Variants in VEGFC observed in about 807,000 individuals in gnomAD.
VEGFC encodes FLT4 ligand DHM.
Under a neutral mutation model 46.1 loss-of-function variants are expected in VEGFC, and 12 were observed. The ratio of observed to expected loss-of-function variants is 0.26; its 90% CI spans 0.17 to 0.42. The LOEUF is 0.42. Ranked by LOEUF, VEGFC falls within the 10% of genes least tolerant of loss-of-function variation. The probability of loss-of-function intolerance (pLI) is 1.00; values close to 1 mark genes in which losing one functional copy is unlikely to be tolerated. For missense variants in VEGFC, 488 were observed against 529.4 expected (o/e 0.92, Z 0.77); for synonymous variants, 232 against 195.5 (o/e 1.19, Z -1.56).
intron 4 of VEGFC, among the ~76,000 whole-genome samples, chr4:176,688,676 C>G (rs1734092215): frequency 6.8e-6 from 1 of 146,500 alleles, no homozygotes; most frequent in South Asian, 2.4e-4. Context: ...AAATTATGAA[C>G]CTACAGGCTT....
At chr4:176,761,129 C>T (rs891382198) in intron 1 of VEGFC, among the ~76,000 whole-genome samples, 6 of 152,162 alleles carry the variant, frequency 3.9e-5, no homozygotes, top group African/African-American at 9.7e-5. Context: ...AGATCCTATA[C>T]AAAATTGTCC....
At chr4:176,692,108 G>A (rs1281885450) in intron 4 of VEGFC, among the ~76,000 whole-genome samples, 8 of 151,762 alleles carry the variant, frequency 5.3e-5, no homozygotes, top group Non-Finnish European at 1.5e-5. Context: ...AAAAAACGGC[G>A]CACCGGCCCG....
chr4:176,731,311 C>T (rs1412082851), intron 1 of VEGFC, among the ~76,000 whole-genome samples: 4 of 151,904 alleles, frequency 2.6e-5, no homozygotes, highest in African/African-American at 7.3e-5. Context: ...CAAAAGGTTA[C>T]TACTGAAGGG....
intron 4 of VEGFC, among the ~76,000 whole-genome samples, chr4:176,693,286 G>A (rs1259594994): frequency 5.1e-5 from 7 of 137,860 alleles, no homozygotes; most frequent in African/African-American, 1.6e-4. Flanking sequence ...GCTTAAAGGA[G>A]CTGATGGAGC....
chr4:176,737,286 T>TAGAA (rs145402908), intron 1 of VEGFC, among the ~76,000 whole-genome samples: 1 of 146,074 alleles, frequency 6.8e-6, no homozygotes, highest in South Asian at 2.1e-4. Context: ...GTTTATAATA[T>TAGAA]ATATAGAATA....
chr4:176,697,435 ATACCATC>A, intron 4 of VEGFC, among the ~76,000 whole-genome samples: 1 of 152,362 alleles, frequency 6.6e-6, no homozygotes, highest in Non-Finnish European at 1.5e-5. Context: ...CTACAATGAG[ATACCATC>A]TCACACCACG....
chr4:176,776,825 G>A (rs974861883), intron 1 of VEGFC, among the ~76,000 whole-genome samples: 1 of 152,090 alleles, frequency 6.6e-6, no homozygotes, highest in African/African-American at 2.4e-5. Flanking sequence ...TTGGTTTTTT[G>A]TATCTATCAA....
At chr4:176,787,685 T>C (rs1026789638) in intron 1 of VEGFC, among the ~76,000 whole-genome samples, 10 of 151,936 alleles carry the variant, frequency 6.6e-5, no homozygotes, top group Non-Finnish European at 1.0e-4. Context: ...TGCTTTCTCA[T>C]GGTTAAACAT....
At chr4:176,745,599 C>G (rs892318312) in intron 1 of VEGFC, among the ~76,000 whole-genome samples, 1 of 152,090 alleles carries the variant, frequency 6.6e-6, no homozygotes, top group African/African-American at 2.4e-5. Flanking sequence ...ACAGGTTCAT[C>G]TGAAGCCAAA....
chr4:176,684,516 A>G (rs1357014724), intron 6 of VEGFC, among the ~76,000 whole-genome samples: 3 of 152,176 alleles, frequency 2.0e-5, no homozygotes, highest in South Asian at 2.1e-4. Context: ...TTGTGTCTCT[A>G]CTTGGCAGCT....
chr4:176,785,554 C>T (rs1342285786), intron 1 of VEGFC, among the ~76,000 whole-genome samples: 2 of 152,138 alleles, frequency 1.3e-5, no homozygotes, highest in Non-Finnish European at 2.9e-5. Context: ...TCCTCACATC[C>T]CCACTCCCAC....
chr4:176,703,185 CT>C (rs1348967583), intron 4 of VEGFC, among the ~76,000 whole-genome samples: 1 of 151,810 alleles, frequency 6.6e-6, no homozygotes, highest in Non-Finnish European at 1.5e-5. Context: ...TAGAAGGGAA[CT>C]TTTTTGTTTT....
At chr4:176,721,464 T>G (rs943604550) in intron 3 of VEGFC, among the ~76,000 whole-genome samples, 3 of 152,004 alleles carry the variant, frequency 2.0e-5, no homozygotes, top group Non-Finnish European at 2.9e-5. Context: ...GCAAATAGAT[T>G]GGAGGAAAGG....
chr4:176,696,189 A>G (rs1339677154), intron 4 of VEGFC, among the ~76,000 whole-genome samples: 3 of 145,132 alleles, frequency 2.1e-5, no homozygotes, highest in Non-Finnish European at 1.5e-5. Flanking sequence ...AGAGGAAGTC[A>G]AATTGTCCCT....
rs141253271 is a variant in VEGFC at position 176,739,631 on chromosome 4, T to C, written c.148-9885A>G. Among the ~76,000 whole-genome samples the C allele has an allele frequency of 2.1e-3, 313 of 151,792 alleles. 1 individual carries two copies. Among genetic ancestry groups the C allele is most frequent in the African/African-American group, 7.1e-3 (295 of 41,462 alleles). On this transcript the variant is annotated intron_variant, in intron 1 of 6. Transcript: ENST00000618562. The stretch of plus-strand genomic sequence containing the variant: ...GAGGGTAGGGAACGCATCGGAAGAA[T>C]AGTTAATGGATGCTGGGTTTAATAC...
chr4:176,742,342 A>T (rs1735190064), intron 1 of VEGFC, among the ~76,000 whole-genome samples: 1 of 151,946 alleles, frequency 6.6e-6, no homozygotes, highest in South Asian at 2.1e-4. Flanking sequence ...GCTGATAGGA[A>T]CTTAGGCTGA....
chr4:176,773,209 T>C (rs1369396127), intron 1 of VEGFC, among the ~76,000 whole-genome samples: 1 of 152,168 alleles, frequency 6.6e-6, no homozygotes, highest in African/African-American at 2.4e-5. Flanking sequence ...CAATCAGCCA[T>C]GTTGTGACCA....
chr4:176,757,279 CCATTTCAATTA>C (rs1735448526), intron 1 of VEGFC, among the ~76,000 whole-genome samples: 1 of 151,926 alleles, frequency 6.6e-6, no homozygotes, highest in African/African-American at 2.4e-5. Flanking sequence ...GTCTTCAATT[CCATTTCAATTA>C]CATGCCAATT....
At chr4:176,731,324 A>G (rs778605019) in intron 1 of VEGFC, among the ~76,000 whole-genome samples, 1 of 152,098 alleles carries the variant, frequency 6.6e-6, no homozygotes, top group African/African-American at 2.4e-5. Flanking sequence ...CTGAAGGGAA[A>G]ATTTATAAAA....
Sources: gnomAD v4.1 joint callset for allele counts (sites outside exome capture counted in the v4.1 genomes callset) on GRCh38, gnomAD v4.1.1 for gene constraint, MANE v1.5 for transcripts, NCBI Gene and HGNC (gene_info 2026-07-23, HGNC 2026-07-21) for gene names.